Variants in WWC2 observed in about 807,000 individuals in gnomAD.
WWC2 encodes the protein protein WWC2.
In WWC2, 101 loss-of-function variants were observed where a neutral mutation model predicts 138.5. The observed-to-expected ratio is 0.73, with a 90% confidence interval of 0.62 to 0.86. The LOEUF (loss-of-function observed/expected upper bound fraction) is 0.86, where lower values mean the gene tolerates loss of function less well. Among genes scored for constraint, WWC2 ranks in the 40% least tolerant of loss-of-function variants. The pLI, the probability that WWC2 is intolerant of heterozygous loss-of-function variation, is 0.00. For synonymous variants in WWC2, 558 were observed against 538.4 expected (o/e 1.04, Z -0.50); for missense variants, 1,420 against 1,419.4 (o/e 1.00, Z -0.01).
At chr4:183,119,362 A>G (rs1462017099) in intron 1 of WWC2, among the ~76,000 whole-genome samples, 1 of 152,226 alleles carries the variant, frequency 6.6e-6, no homozygotes, top group Non-Finnish European at 1.5e-5. Context: ...TCTCCCACTG[A>G]GAATATAGGA....
At chr4:183,278,762 T>G (rs1313281639) in intron 16 of WWC2, among the ~76,000 whole-genome samples, 1 of 151,912 alleles carries the variant, frequency 6.6e-6, no homozygotes, top group African/African-American at 2.4e-5. Flanking sequence ...AATTCACTCC[T>G]GATTTGGCTC....
chr4:183,207,868 C>T, intron 2 of WWC2, 85 bp from the exon 3 acceptor site: 3 of 1,282,506 alleles, frequency 2.3e-6, no homozygotes, highest in Non-Finnish European at 3.2e-6. Flanking sequence ...GATACAAGAA[C>T]TTAAGCTAGC....
At chr4:183,201,648 T>C (rs931055823) in intron 2 of WWC2, among the ~76,000 whole-genome samples, 5 of 152,176 alleles carry the variant, frequency 3.3e-5, no homozygotes, top group African/African-American at 1.2e-4. Context: ...CAAATAAATA[T>C]AGCAGATTAT....
chr4:183,122,487 A>T (rs1206287515), intron 1 of WWC2, among the ~76,000 whole-genome samples: 1 of 152,216 alleles, frequency 6.6e-6, no homozygotes, highest in Non-Finnish European at 1.5e-5. Context: ...TATAATCAGT[A>T]AAAAATTAGT....
chr4:183,213,517 T>C (rs1735667407), intron 4 of WWC2, among the ~76,000 whole-genome samples: 1 of 152,204 alleles, frequency 6.6e-6, no homozygotes, highest in South Asian at 2.1e-4. Flanking sequence ...CAGGTGTACC[T>C]CAGTTGTTTT....
At chr4:183,224,572 A>G (rs201304056) in intron 4 of WWC2, among the ~76,000 whole-genome samples, 1 of 110,202 alleles carries the variant, frequency 9.1e-6, no homozygotes, top group African/African-American at 4.1e-5. Flanking sequence ...TTTTTTGTTT[A>G]TTTTTTGAGA....
intron 1 of WWC2, among the ~76,000 whole-genome samples, chr4:183,169,909 A>G (rs1009224466): frequency 1.3e-5 from 2 of 152,238 alleles, no homozygotes; most frequent in African/African-American, 4.8e-5. Context: ...GCTAGCTTTA[A>G]TATAAGCAAT....
intron 5 of WWC2, among the ~76,000 whole-genome samples, chr4:183,244,636 T>C (rs1391961762): frequency 6.6e-6 from 1 of 152,082 alleles, no homozygotes; most frequent in African/African-American, 2.4e-5. Flanking sequence ...CATTGTAGGA[T>C]ACTCACTAGT....
intron 1 of WWC2, among the ~76,000 whole-genome samples, chr4:183,158,157 A>G (rs897604213): frequency 1.3e-5 from 2 of 152,150 alleles, no homozygotes; most frequent in Admixed American, 1.3e-4. Context: ...GTTAGGGCTT[A>G]TAGCAGAAAC....
intron 10 of WWC2, 57 bp from the exon 11 acceptor site, chr4:183,260,853 G>A: frequency 5.1e-6 from 8 of 1,582,602 alleles, no homozygotes; most frequent in East Asian, 4.5e-5. Context: ...AGTAGAGATT[G>A]TGATTAGGTT....
At chr4:183,138,450 T>G (rs1733189290) in intron 1 of WWC2, among the ~76,000 whole-genome samples, 1 of 152,230 alleles carries the variant, frequency 6.6e-6, no homozygotes, top group Non-Finnish European at 1.5e-5. Context: ...AAGTCTGGCC[T>G]GGTGTTTTCT....
At chr4:183,254,459 A>G (rs1737078426) in intron 9 of WWC2, among the ~76,000 whole-genome samples, 1 of 152,164 alleles carries the variant, frequency 6.6e-6, no homozygotes, top group South Asian at 2.1e-4. Context: ...ACTCACTTGC[A>G]TTTTGTTTGT....
intron 9 of WWC2, among the ~76,000 whole-genome samples, chr4:183,256,121 G>A (rs1737133169): frequency 6.6e-6 from 1 of 152,152 alleles, no homozygotes; most frequent in East Asian, 1.9e-4. Context: ...TTGACTTTCT[G>A]AGTTACCTGG....
chr4:183,265,963 C>G lies in WWC2; in HGVS notation c.2207+12C>G. ...CATACTTCAAAAGTGTAAGTAAAAT[C>G]AGCGAAGATCAAATTGAGGAACTTA... On this transcript the variant is annotated intron_variant, in intron 14 of 22. Coordinates refer to ENST00000403733, the MANE Select transcript of WWC2 (RefSeq NM_024949.6). 6.2e-7 allele frequency: 1 copy of G among 1,600,442 alleles called. No individual in the cohort carries two copies.
At position 183,317,186 on chromosome 4, in the gene WWC2, T is replaced by C. The variant is rs1435007847; in HGVS notation, c.*1457T>C. 6.7e-6 allele frequency: 1 copy of C among 150,158 alleles called. No homozygotes were observed. The highest frequency in any genetic ancestry group is 2.4e-5 in the African/African-American group (1 of 40,832). 9.3% of individuals were successfully genotyped at this position (150,158 alleles called of 1,614,324 possible). On this transcript the variant is annotated 3_prime_UTR_variant, in exon 23 of 23. Coordinates refer to ENST00000403733, the MANE Select transcript of WWC2 (RefSeq NM_024949.6). ...ACCCCTTGAAGAAAAAAAAAAAAAGTTTTGTTCCTCAGTTAGAATGCTCAC... is the reference window on the plus strand; with the variant it reads ...ACCCCTTGAAGAAAAAAAAAAAAAGCTTTGTTCCTCAGTTAGAATGCTCAC...
intron 12 of WWC2, 67 bp downstream of exon 12, chr4:183,265,174 C>T: frequency 2.0e-6 from 3 of 1,529,094 alleles, no homozygotes; most frequent in Non-Finnish European, 2.6e-6. Context: ...GGGTTATATG[C>T]TGTAAATGGA....
At chr4:183,208,378 G>A (rs1580058791) in intron 3 of WWC2, among the ~76,000 whole-genome samples, 1 of 152,322 alleles carries the variant, frequency 6.6e-6, no homozygotes, top group South Asian at 2.1e-4. Context: ...TTCTGTTTCT[G>A]CACCTGCCTC....
intron 4 of WWC2, among the ~76,000 whole-genome samples, chr4:183,218,435 A>G (rs533355643): frequency 1.3e-5 from 2 of 152,286 alleles, no homozygotes; most frequent in Non-Finnish European, 2.9e-5. Flanking sequence ...TGGGGTATAT[A>G]TCCAGAAGTG....
chr4:183,189,436 C>CA (rs201076553), intron 1 of WWC2, among the ~76,000 whole-genome samples: 1,347 of 85,606 alleles, frequency 0.016, 4 homozygotes, highest in African/African-American at 0.026. Context: ...GACTCAGTCT[C>CA]AAAAAAAAAA....
Sources: allele counts gnomAD v4.1 joint callset (sites outside exome capture counted in the v4.1 genomes callset), GRCh38; gene constraint gnomAD v4.1.1; transcripts MANE v1.5; gene names NCBI Gene and HGNC (gene_info 2026-07-23, HGNC 2026-07-21).